TGM6: variants seen among roughly 807,000 people sequenced by gnomAD.
TGM6 encodes the protein transglutaminase 6, also known as protein-glutamine gamma-glutamyltransferase 6.
TGM6 carries 74 observed loss-of-function variants against 77.5 expected under a neutral mutation model. The ratio of observed to expected loss-of-function variants is 0.96; its 90% CI spans 0.79 to 1.16. The LOEUF (loss-of-function observed/expected upper bound fraction) is 1.16. Among genes scored for constraint, TGM6 ranks in the 50% most tolerant of loss-of-function variants. The pLI is 0.00. For missense variants in TGM6, 968 were observed against 940.2 expected (o/e 1.03, Z -0.39); for synonymous variants, 383 against 378.9 (o/e 1.01, Z -0.12).
Position 2,394,444 on chromosome 20 carries a change from C to A in TGM6, c.8-8C>A. 1.2e-6 allele frequency: 2 copies of A among 1,611,280 alleles called. No individual in the cohort carries two copies. The highest frequency in any genetic ancestry group is 1.7e-6 in the Non-Finnish European group (2 of 1,179,836). ...GTGGCCTCATCTCCCTGTCCTCTCCCCACCCAGGGATCAGAGTCACCAAGG... is the reference window on the plus strand; with the variant it reads ...GTGGCCTCATCTCCCTGTCCTCTCCACACCCAGGGATCAGAGTCACCAAGG... On this transcript the variant is annotated splice_region_variant and splice_polypyrimidine_tract_variant and intron_variant, in intron 1 of 12. Coordinates refer to ENST00000202625, the MANE Select transcript of TGM6 (RefSeq NM_198994.3).
chr20:2,399,156 A>AAAG (rs1555799792), intron 5 of TGM6, among the ~76,000 whole-genome samples: 25 of 146,582 alleles, frequency 1.7e-4, no homozygotes, highest in Non-Finnish European at 2.4e-4. Flanking sequence ...AAAAAAAAAA[A>AAAG]AGAATAATGA....
intron 9 of TGM6, among the ~76,000 whole-genome samples, chr20:2,415,610 A>G (rs1338479910): frequency 6.6e-6 from 1 of 152,160 alleles, no homozygotes; most frequent in Non-Finnish European, 1.5e-5. Context: ...GTGAGAGAAG[A>G]GGACAGATTC....
Position 2,395,337 on chromosome 20 carries a change from A to G in TGM6, c.325A>G (p.Ile109Val). 1.2e-6 allele frequency: 2 copies of G among 1,614,256 alleles called. No homozygotes were observed. The highest frequency in any genetic ancestry group is 1.7e-6 in the Non-Finnish European group (2 of 1,180,042). Residue 109 changes from isoleucine (I) to valine (V), a missense_variant, in exon 3 of 13, where the codon ATT becomes GTT. Ile to Val is a conservative substitution (Grantham distance 29, BLOSUM62 3). Coordinates refer to ENST00000202625, the MANE Select transcript of TGM6 (RefSeq NM_198994.3). ...TCTCGCCAGCCCTCCCAGTGCTGTC[A>G]TTGGCCGCTACCTGCTGAGCATCAG... ...VSLASPPSAV[I>V]GRYLLSIRLS...
chr20:2,397,416 T>C (rs1347183893), intron 4 of TGM6, among the ~76,000 whole-genome samples: 2 of 152,144 alleles, frequency 1.3e-5, no homozygotes. Flanking sequence ...ATTCGGGTGC[T>C]GGGCAGGGAA....
intron 11 of TGM6, 117 bp downstream of exon 11, chr20:2,430,717 G>A: frequency 1.9e-6 from 3 of 1,593,142 alleles, no homozygotes; most frequent in Admixed American, 1.7e-5. Flanking sequence ...AGCTCTCCAG[G>A]GTGGGAGGAG....
chr20:2,418,236 T>C (rs2084832312), intron 10 of TGM6, among the ~76,000 whole-genome samples: 1 of 151,960 alleles, frequency 6.6e-6, no homozygotes, highest in Non-Finnish European at 1.5e-5. Context: ...TGGACTCGAG[T>C]GATCTGCCCG....
chr20:2,387,669 A>G (rs1375680497), intron 1 of TGM6, among the ~76,000 whole-genome samples: 1 of 152,208 alleles, frequency 6.6e-6, no homozygotes, highest in African/African-American at 2.4e-5. Context: ...GGTCTAGACA[A>G]GAATCTTGGC....
intron 10 of TGM6, among the ~76,000 whole-genome samples, chr20:2,426,250 T>G: frequency 6.6e-6 from 1 of 152,144 alleles, no homozygotes; most frequent in East Asian, 1.9e-4. Context: ...GTGTTCCATT[T>G]TTGGTGGTGC....
rs919363279 is a variant in TGM6 at position 2,414,936 on chromosome 20, G to GA, written c.1337-2296_1337-2295insA. On this transcript the variant is annotated intron_variant, in intron 9 of 12. Transcript: ENST00000202625. ...TGACTCCTGATGGTTACAGAATTTG[G>GA]GGGGGGGGGTGAAAAAACGTTCTAA... Among the ~76,000 whole-genome samples, 114 of 133,448 alleles carry GA rather than the reference G, an allele frequency of 8.5e-4. 2 individuals carry two copies. The highest frequency in any genetic ancestry group is 3.2e-3 in the African/African-American group (104 of 32,752). 87.5% of individuals were successfully genotyped at this position (133,448 alleles called of 152,430 possible).
chr20:2,397,611 T>C (rs958455913), intron 4 of TGM6, among the ~76,000 whole-genome samples: 1 of 152,242 alleles, frequency 6.6e-6, no homozygotes, highest in Non-Finnish European at 1.5e-5. Context: ...CAAATGAGCA[T>C]ATCAGCGAGG....
intron 10 of TGM6, among the ~76,000 whole-genome samples, chr20:2,427,123 G>A (rs1467052998): frequency 6.6e-6 from 1 of 151,978 alleles, no homozygotes; most frequent in Admixed American, 6.5e-5. Flanking sequence ...GAACCCATCT[G>A]GGATTAATGT....
In TGM6 at chr20:2,415,478, C is replaced by G. The variant is rs187153697; in HGVS notation, c.1337-1754C>G. ...AGTGCCTTGCTTGTGGGCCTCTTGTCCCCACTTTACAGATAGGAAAACTAA... is the reference window on the plus strand; with the variant it reads ...AGTGCCTTGCTTGTGGGCCTCTTGTGCCCACTTTACAGATAGGAAAACTAA... On this transcript the variant is annotated intron_variant, in intron 9 of 12. Transcript: ENST00000202625. 6.6e-3 allele frequency among the ~76,000 whole-genome samples: 1,007 copies of G among 152,218 alleles called. 44 individuals carry two copies. The highest frequency in any genetic ancestry group is 0.06 in the Admixed American group (919 of 15,272).
At chr20:2,425,707 G>C (rs1227210670) in intron 10 of TGM6, among the ~76,000 whole-genome samples, 2 of 151,946 alleles carry the variant, frequency 1.3e-5, no homozygotes, top group Admixed American at 1.3e-4. Context: ...TTTATGTCAT[G>C]GTTCTTTAAA....
chr20:2,428,620 A>C (rs2122437763), intron 10 of TGM6, among the ~76,000 whole-genome samples: 1 of 152,278 alleles, frequency 6.6e-6, no homozygotes, highest in African/African-American at 2.4e-5. Context: ...CCTAATGAGC[A>C]TTCAATTTAT....
chr20:2,416,293 T>C (rs553014588), intron 9 of TGM6, among the ~76,000 whole-genome samples: 1 of 152,266 alleles, frequency 6.6e-6, no homozygotes, highest in East Asian at 1.9e-4. Flanking sequence ...CAGTGTGACA[T>C]TGGCATAAGA....
chr20:2,405,610 A>G (rs960523944), intron 9 of TGM6, among the ~76,000 whole-genome samples: 1 of 152,206 alleles, frequency 6.6e-6, no homozygotes, highest in Non-Finnish European at 1.5e-5. Flanking sequence ...TGCTGAGGAC[A>G]GATGGTGGCT....
At chr20:2,405,106 G>A (rs1228874831) in intron 9 of TGM6, among the ~76,000 whole-genome samples, 3 of 152,170 alleles carry the variant, frequency 2.0e-5, no homozygotes, top group South Asian at 2.1e-4. Flanking sequence ...TGTCTGTCAC[G>A]TGGGACTGCT....
intron 9 of TGM6, among the ~76,000 whole-genome samples, chr20:2,410,997 A>G (rs1170903183): frequency 6.6e-6 from 1 of 152,224 alleles, no homozygotes; most frequent in Non-Finnish European, 1.5e-5. Flanking sequence ...CCACAAAGAA[A>G]TAATCAGGCC....
At chr20:2,419,181 G>T (rs902024595) in intron 10 of TGM6, among the ~76,000 whole-genome samples, 2 of 151,932 alleles carry the variant, frequency 1.3e-5, no homozygotes, top group African/African-American at 4.8e-5. Context: ...CTCTGTCTCT[G>T]TCCCTTTGGC....
Sources: allele counts gnomAD v4.1 joint callset (sites outside exome capture counted in the v4.1 genomes callset), GRCh38; gene constraint gnomAD v4.1.1; transcripts MANE v1.5; gene names NCBI Gene and HGNC (gene_info 2026-07-23, HGNC 2026-07-21).